MGAT5: variants seen among roughly 807,000 people sequenced by gnomAD.
MGAT5 encodes the protein alpha-1,6-mannosylglycoprotein 6-beta-N-acetylglucosaminyltransferase A.
MGAT5 carries 30 observed loss-of-function variants against 94.3 expected under a neutral mutation model. The ratio of observed to expected loss-of-function variants is 0.32; its 90% CI spans 0.24 to 0.43. MGAT5 has a LOEUF of 0.43. Among genes scored for constraint, MGAT5 ranks in the 20% least tolerant of loss-of-function variants. MGAT5 has a pLI of 1.00. For missense variants in MGAT5, 691 were observed against 905.5 expected (o/e 0.76, Z 3.04); for synonymous variants, 310 against 322.9 (o/e 0.96, Z 0.43).
At chr2:134,378,543 A>G (rs886773973) in intron 10 of MGAT5, among the ~76,000 whole-genome samples, 6 of 151,886 alleles carry the variant, frequency 4.0e-5, no homozygotes, top group Admixed American at 2.6e-4. Flanking sequence ...ACATTTAACT[A>G]ATCTAAGTCT....
intron 7 of MGAT5, among the ~76,000 whole-genome samples, chr2:134,342,719 TA>T (rs3838499): frequency 7.9e-5 from 11 of 138,756 alleles, no homozygotes; most frequent in African/African-American, 1.6e-4. Context: ...GTCTCTGTCT[TA>T]AAAAAAAAAA....
chr2:134,288,123 G>T (rs538591661), intron 2 of MGAT5, among the ~76,000 whole-genome samples: 1 of 152,178 alleles, frequency 6.6e-6, no homozygotes, highest in South Asian at 2.1e-4. Context: ...CTTTATTTTT[G>T]CTGGTTTGGC....
At chr2:134,413,234 C>A (rs1326754085) in intron 12 of MGAT5, among the ~76,000 whole-genome samples, 1 of 152,046 alleles carries the variant, frequency 6.6e-6, no homozygotes, top group African/African-American at 2.4e-5. Flanking sequence ...GACACTCTAC[C>A]CCCACTCTAG....
intron 2 of MGAT5, among the ~76,000 whole-genome samples, chr2:134,271,341 T>G (rs1405480343): frequency 6.6e-6 from 1 of 152,100 alleles, no homozygotes; most frequent in African/African-American, 2.4e-5. Flanking sequence ...CAGGACAAAG[T>G]GAAGAGCCTG....
intron 4 of MGAT5, among the ~76,000 whole-genome samples, chr2:134,329,549 A>G (rs868638849): frequency 6.6e-5 from 10 of 152,238 alleles, no homozygotes; most frequent in Middle Eastern, 6.8e-3. Context: ...AGGAACCAAA[A>G]GTTTAGCCAA....
At chr2:134,381,386 A>ATAGATAGATAGATAAGATAAGATAGAT (rs1681567672) in intron 10 of MGAT5, among the ~76,000 whole-genome samples, 1 of 95,336 alleles carries the variant, frequency 1.0e-5, no homozygotes, top group East Asian at 3.2e-4. Context: ...GATAGATTAG[A>ATAGATAGATAGATAAGATAAGATAGAT]TAGATAGATA....
In MGAT5 at chr2:134,292,002, C is replaced by G. The variant is rs559020293; in HGVS notation, c.406+21452C>G. On this transcript the variant is annotated intron_variant, in intron 2 of 15. Coordinates refer to ENST00000281923, the MANE Select transcript of MGAT5 (RefSeq NM_002410.5). ...TCATTAACTCAGTGGTTCTGTCAGGCCTGGTTGGCATATATGATTATACCA... is the reference window on the plus strand; with the variant it reads ...TCATTAACTCAGTGGTTCTGTCAGGGCTGGTTGGCATATATGATTATACCA... Among the ~76,000 whole-genome samples the G allele has an allele frequency of 3.9e-5, 6 of 152,154 alleles. No individual in the cohort carries two copies. The South Asian group carries it at 1.2e-3, about 32-fold the overall frequency.
At chr2:134,133,113 G>A (rs1381023413) in intron 1 of MGAT5, among the ~76,000 whole-genome samples, 1 of 152,200 alleles carries the variant, frequency 6.6e-6, no homozygotes, top group Non-Finnish European at 1.5e-5. Flanking sequence ...TAGTGGGAAA[G>A]GCAAAGAAAC....
At chr2:134,145,010 A>G (rs938782456) in intron 1 of MGAT5, among the ~76,000 whole-genome samples, 2 of 152,088 alleles carry the variant, frequency 1.3e-5, no homozygotes, top group African/African-American at 4.8e-5. Flanking sequence ...ATCACAAACC[A>G]TTTGCTGAAT....
chr2:134,192,449 A>G (rs1372635817), intron 1 of MGAT5, among the ~76,000 whole-genome samples: 1 of 152,158 alleles, frequency 6.6e-6, no homozygotes, highest in Admixed American at 6.5e-5. Context: ...TGAAACAGGT[A>G]TGTAGGCATC....
At chr2:134,295,973 T>G (rs1368515535) in intron 2 of MGAT5, among the ~76,000 whole-genome samples, 2 of 152,170 alleles carry the variant, frequency 1.3e-5, no homozygotes, top group African/African-American at 4.8e-5. Context: ...AAATTAGAGG[T>G]AAAATTCTTT....
chr2:134,387,332 A>ATATTT, intron 10 of MGAT5, among the ~76,000 whole-genome samples: 26 of 24,264 alleles, frequency 1.1e-3, no homozygotes, highest in South Asian at 6.8e-3. Flanking sequence ...ATATATATAT[A>ATATTT]TTTTTTTTTT....
intron 2 of MGAT5, among the ~76,000 whole-genome samples, chr2:134,315,651 G>C (rs1466202582): frequency 6.6e-6 from 1 of 152,222 alleles, no homozygotes; most frequent in African/African-American, 2.4e-5. Context: ...AGCACCTGCT[G>C]TGGTCCGTGG....
At chr2:134,151,250 C>G (rs577660040) in intron 1 of MGAT5, among the ~76,000 whole-genome samples, 173 of 144,310 alleles carry the variant, frequency 1.2e-3, no homozygotes, top group African/African-American at 4.2e-3. Context: ...CCTATGGGAG[C>G]CGCCCACTGC....
chr2:134,350,694 A>T (rs1042456330), intron 9 of MGAT5, among the ~76,000 whole-genome samples: 3 of 152,222 alleles, frequency 2.0e-5, no homozygotes, highest in African/African-American at 7.2e-5. Flanking sequence ...CTGTGAACTC[A>T]AAAAACCACA....
At chr2:134,201,116 G>C (rs987295396) in intron 1 of MGAT5, among the ~76,000 whole-genome samples, 1 of 151,926 alleles carries the variant, frequency 6.6e-6, no homozygotes, top group African/African-American at 2.4e-5. Context: ...CTTTATTAAG[G>C]ATGCCCTCTG....
At chr2:134,347,333 A>C (rs964861181) in intron 8 of MGAT5, among the ~76,000 whole-genome samples, 5 of 152,182 alleles carry the variant, frequency 3.3e-5, no homozygotes, top group African/African-American at 1.2e-4. Flanking sequence ...CGATCATTCC[A>C]TTCCTCTTTC....
intron 1 of MGAT5, among the ~76,000 whole-genome samples, chr2:134,238,019 G>A (rs1481506869): frequency 6.6e-6 from 1 of 152,114 alleles, no homozygotes; most frequent in Admixed American, 6.5e-5. Flanking sequence ...AAAGTGCTGG[G>A]ATTACAGGCG....
At chr2:134,364,827 G>A (rs751002514) in intron 10 of MGAT5, among the ~76,000 whole-genome samples, 3 of 152,194 alleles carry the variant, frequency 2.0e-5, no homozygotes, top group East Asian at 1.9e-4. Context: ...TCTAGAACAC[G>A]GCACAGTATG....
Sources: allele counts gnomAD v4.1 joint callset (sites outside exome capture counted in the v4.1 genomes callset), GRCh38; gene constraint gnomAD v4.1.1; transcripts MANE v1.5; gene names NCBI Gene and HGNC (gene_info 2026-07-23, HGNC 2026-07-21).